SYNPR: variants seen among roughly 807,000 people sequenced by gnomAD.
SYNPR encodes synaptoporin.
A neutral mutation model predicts 32.9 loss-of-function variants in SYNPR; 23 were observed. That is an observed-to-expected ratio of 0.70 (90% confidence interval 0.50 to 0.99). SYNPR has a LOEUF of 0.99. Ranked by LOEUF, SYNPR falls within the 50% of genes least tolerant of loss-of-function variation. SYNPR has a pLI of 0.00. For synonymous variants in SYNPR, 146 were observed against 135.9 expected (o/e 1.07, Z -0.52); for missense variants, 318 against 349.3 (o/e 0.91, Z 0.71).
chr3:63,220,293 A>G, the SYNPR span, among the ~76,000 whole-genome samples: 1 of 152,224 alleles, frequency 6.6e-6, no homozygotes, highest in Non-Finnish European at 1.5e-5. Flanking sequence ...GCAGATAGTG[A>G]TATCAGGACT....
chr3:63,555,142 T>C, intron 3 of SYNPR, among the ~76,000 whole-genome samples: 1 of 151,938 alleles, frequency 6.6e-6, no homozygotes, highest in Non-Finnish European at 1.5e-5. Flanking sequence ...AGACAGAAAA[T>C]TATATCATCA....
chr3:63,228,481 C>T (rs150060263), intron 1 of SYNPR: 1 of 152,284 alleles, frequency 6.6e-6, no homozygotes, highest in African/African-American at 2.4e-5. Context: ...GAGTTTGCTT[C>T]TGAATCTGAT....
chr3:63,482,615 C>T (rs776704730), intron 3 of SYNPR, among the ~76,000 whole-genome samples: 8 of 152,162 alleles, frequency 5.3e-5, no homozygotes, highest in African/African-American at 1.9e-4. Flanking sequence ...AATCGTTTGC[C>T]ACTTTGCTTA....
At chr3:63,533,762 T>C (rs1233914948) in intron 3 of SYNPR, among the ~76,000 whole-genome samples, 1 of 152,138 alleles carries the variant, frequency 6.6e-6, no homozygotes, top group African/African-American at 2.4e-5. Context: ...GTTCAAAATC[T>C]AGAAAAAGAG....
chr3:63,497,664 C>T (rs1207756572), intron 3 of SYNPR, among the ~76,000 whole-genome samples: 5 of 151,722 alleles, frequency 3.3e-5, no homozygotes, highest in Non-Finnish European at 7.4e-5. Flanking sequence ...GGAATTCAGT[C>T]GCTCTGCAGA....
rs186698371 is a variant in SYNPR at position 63,460,478 on chromosome 3, T to G, written c.85-20354T>G. Among the ~76,000 whole-genome samples, 17 of 151,392 alleles carry G rather than the reference T, an allele frequency of 1.1e-4. 1 individual carries two copies. The Admixed American group carries it at 1.1e-3, about 10-fold the overall frequency. On this transcript the variant is annotated intron_variant, in intron 2 of 5. Transcript: ENST00000478300. ...ATAACCTCCTTGAAGCCAGAAAGCC[T>G]CTTTGGTTTTTAGCACTTGAACTGA...
chr3:63,355,500 C>G (rs904350385), intron 2 of SYNPR, among the ~76,000 whole-genome samples: 8 of 152,174 alleles, frequency 5.3e-5, no homozygotes, highest in African/African-American at 1.9e-4. Flanking sequence ...TCACATTTCA[C>G]ACTCACCAGC....
Position 63,334,515 on chromosome 3 carries a change from AGTGTGTGTGTGTGTGTGTGTGTGT to A in SYNPR, c.84+55793_84+55816del, listed in dbSNP as rs138498529. Among the ~76,000 whole-genome samples, 10 of 149,402 alleles carry A rather than the reference AGTGTGTGTGTGTGTGTGTGTGTGT, an allele frequency of 6.7e-5. No individual in the cohort carries two copies. In the South Asian group the frequency reaches 1.5e-3, roughly 22 times the overall value. On this transcript the variant is annotated intron_variant, in intron 2 of 5. Transcript: ENST00000478300. ...AATTTCCAGGCAGTTGTCTCAATGA[AGTGTGTGTGTGTGTGTGTGTGTGT>A]GTGTGTGTGTGTGTGTGTGGACACA...
At position 63,368,867 on chromosome 3, in the gene SYNPR, A is replaced by G. The variant is rs573922623; in HGVS notation, c.84+90125A>G. Among the ~76,000 whole-genome samples, 99 of 152,340 alleles carry G rather than the reference A, an allele frequency of 6.5e-4. 2 individuals are homozygous for G. Among genetic ancestry groups the G allele is most frequent in the Admixed American group, 6.4e-3 (98 of 15,290 alleles). ...ACAAGTGATTGTGTTGTTGATAGAC[A>G]TTCAAACAAAGCTTCAACAAGGACA... On this transcript the variant is annotated intron_variant, in intron 2 of 5. Transcript: ENST00000478300.
upstream of SYNPR, among the ~76,000 whole-genome samples, chr3:63,273,412 A>C (rs928413564): frequency 6.6e-6 from 1 of 152,116 alleles, no homozygotes; most frequent in Non-Finnish European, 1.5e-5. Context: ...GAAATTAAAG[A>C]ATTTATGCCT....
chr3:63,232,875 T>C (rs1325374885), intron 1 of SYNPR, among the ~76,000 whole-genome samples: 1 of 152,234 alleles, frequency 6.6e-6, no homozygotes, highest in East Asian at 1.9e-4. Flanking sequence ...AAGAATGCTT[T>C]TTGTTTGAAT....
chr3:63,417,764 C>T (rs1395559026), intron 2 of SYNPR, among the ~76,000 whole-genome samples: 1 of 152,244 alleles, frequency 6.6e-6, no homozygotes, highest in Non-Finnish European at 1.5e-5. Flanking sequence ...CTGAACTCTA[C>T]CTTGGCCCCT....
chr3:63,523,384 T>C (rs892979424), intron 3 of SYNPR, among the ~76,000 whole-genome samples: 2 of 152,158 alleles, frequency 1.3e-5, no homozygotes, highest in African/African-American at 2.4e-5. Context: ...GGATTATTCC[T>C]GGTCCTCCAA....
intron 3 of SYNPR, among the ~76,000 whole-genome samples, chr3:63,533,299 CA>C (rs1452784686): frequency 1.3e-5 from 2 of 151,762 alleles, no homozygotes; most frequent in African/African-American, 2.4e-5. Flanking sequence ...AGGTCTTAAT[CA>C]AATCCCTTGG....
At chr3:63,572,524 A>C (rs900812820) in intron 4 of SYNPR, among the ~76,000 whole-genome samples, 3 of 152,176 alleles carry the variant, frequency 2.0e-5, no homozygotes, top group Non-Finnish European at 4.4e-5. Context: ...TCCAAAACAG[A>C]AATACTTTCC....
At chr3:63,556,915 T>C (rs1160631030) in intron 4 of SYNPR, among the ~76,000 whole-genome samples, 174 bp downstream of exon 4, 1 of 152,204 alleles carries the variant, frequency 6.6e-6, no homozygotes, top group Non-Finnish European at 1.5e-5. Flanking sequence ...TGTCAATCTC[T>C]TGTGCTCCTG....
chr3:63,579,805 AC>A, intron 4 of SYNPR, among the ~76,000 whole-genome samples: 1 of 151,530 alleles, frequency 6.6e-6, no homozygotes, highest in Admixed American at 6.6e-5. Context: ...ACACACACAC[AC>A]ACACACACAC....
chr3:63,299,745 T>C (rs763608105), intron 2 of SYNPR, among the ~76,000 whole-genome samples: 3 of 152,156 alleles, frequency 2.0e-5, no homozygotes, highest in Non-Finnish European at 4.4e-5. Context: ...CTTTTTCAAA[T>C]GTGAGAAAAT....
intron 2 of SYNPR, among the ~76,000 whole-genome samples, chr3:63,418,025 TG>T (rs2088564110): frequency 6.6e-6 from 1 of 152,168 alleles, no homozygotes; most frequent in Non-Finnish European, 1.5e-5. Flanking sequence ...ACTCAGAAAA[TG>T]GGATTTTTCT....
Sources: allele counts gnomAD v4.1 joint callset (sites outside exome capture counted in the v4.1 genomes callset), GRCh38; gene constraint gnomAD v4.1.1; transcripts MANE v1.5; gene names NCBI Gene and HGNC (gene_info 2026-07-23, HGNC 2026-07-21).